Variants in TNNI3K observed in about 807,000 individuals in gnomAD.
TNNI3K encodes the protein serine/threonine-protein kinase TNNI3K.
TNNI3K carries 140 observed loss-of-function variants against 114.5 expected under a neutral mutation model. The observed-to-expected ratio is 1.22, with a 90% CI of 1.07 to 1.41. The LOEUF (loss-of-function observed/expected upper bound fraction) is 1.41, where lower values mean the gene tolerates loss of function less well. Among genes scored for constraint, TNNI3K ranks in the 40% most tolerant of loss-of-function variants. TNNI3K has a pLI of 0.00. For synonymous variants in TNNI3K, 347 were observed against 347.5 expected (o/e 1.00, Z 0.02); for missense variants, 1,125 against 1,007.6 (o/e 1.12, Z -1.58).
chr1:74,361,893 A>G (rs1368156208), intron 11 of TNNI3K, among the ~76,000 whole-genome samples: 1 of 152,128 alleles, frequency 6.6e-6, no homozygotes, highest in East Asian at 1.9e-4. Flanking sequence ...GGATATAAAA[A>G]TATCTTGGCA....
At chr1:74,487,140 G>A (rs1212856530) in intron 21 of TNNI3K, among the ~76,000 whole-genome samples, 1 of 152,178 alleles carries the variant, frequency 6.6e-6, no homozygotes, top group Admixed American at 6.5e-5. Context: ...TTGTTTTTAA[G>A]ATAGGAGAAT....
At chr1:74,363,690 C>G (rs1255757933) in intron 11 of TNNI3K, among the ~76,000 whole-genome samples, 1 of 151,796 alleles carries the variant, frequency 6.6e-6, no homozygotes, top group Non-Finnish European at 1.5e-5. Context: ...AAGGTGGGCT[C>G]TGTGAATTAA....
At chr1:74,541,773 T>C (rs1646729385) in intron 24 of TNNI3K, among the ~76,000 whole-genome samples, 1 of 152,192 alleles carries the variant, frequency 6.6e-6, no homozygotes, top group Admixed American at 6.6e-5. Flanking sequence ...GGTGTTTGGA[T>C]GGAGTGAGAG....
intron 21 of TNNI3K, among the ~76,000 whole-genome samples, chr1:74,483,633 C>T (rs1027194499): frequency 2.0e-4 from 30 of 152,304 alleles, no homozygotes; most frequent in African/African-American, 7.2e-4. Context: ...AATTAAGTTA[C>T]TTTGCAAAAC....
chr1:74,462,897 T>A (rs1667510639), intron 20 of TNNI3K, among the ~76,000 whole-genome samples: 1 of 151,952 alleles, frequency 6.6e-6, no homozygotes, highest in Non-Finnish European at 1.5e-5. Flanking sequence ...TCCAACAGAG[T>A]TTTAAAAATA....
At chr1:74,401,370 TTACTG>T (rs1380871441) in intron 17 of TNNI3K, among the ~76,000 whole-genome samples, 1 of 152,230 alleles carries the variant, frequency 6.6e-6, no homozygotes, top group Non-Finnish European at 1.5e-5. Flanking sequence ...TTTCAATACT[TTACTG>T]TATAATTCAG....
chr1:74,477,792 A>C (rs918272727), intron 21 of TNNI3K, among the ~76,000 whole-genome samples: 1 of 152,226 alleles, frequency 6.6e-6, no homozygotes, highest in Non-Finnish European at 1.5e-5. Context: ...TGTGCTATTA[A>C]GAAGACGTTT....
intron 20 of TNNI3K, among the ~76,000 whole-genome samples, chr1:74,444,067 A>G (rs763162420): frequency 6.6e-6 from 1 of 152,224 alleles, no homozygotes; most frequent in Non-Finnish European, 1.5e-5. Context: ...TGAATGGGCA[A>G]AAGCTGGAAG....
intron 21 of TNNI3K, among the ~76,000 whole-genome samples, chr1:74,478,703 T>G (rs1256295681): frequency 1.3e-5 from 2 of 152,204 alleles, no homozygotes; most frequent in Non-Finnish European, 2.9e-5. Context: ...TTTGCTTAAC[T>G]TAGTACCTTC....
intron 4 of TNNI3K, among the ~76,000 whole-genome samples, chr1:74,265,832 G>A (rs754453158): frequency 2.0e-5 from 3 of 151,940 alleles, no homozygotes; most frequent in Non-Finnish European, 4.4e-5. Flanking sequence ...ATTGAAACAC[G>A]AGTTTGCTTT....
chr1:74,349,757 A>G (rs1036327518), intron 9 of TNNI3K, among the ~76,000 whole-genome samples: 4 of 152,078 alleles, frequency 2.6e-5, no homozygotes, highest in African/African-American at 7.2e-5. Flanking sequence ...GTTTATTTGC[A>G]TAGAGGTGTT....
At position 74,536,627 on chromosome 1, in the gene TNNI3K, T is replaced by C. The variant is rs1179125245; in HGVS notation, c.2352-3607T>C. 2.6e-5 allele frequency among the ~76,000 whole-genome samples: 4 copies of C among 152,082 alleles called. No individual in the cohort carries two copies. In the East Asian group the frequency reaches 5.8e-4, roughly 22 times the overall value. ...TGCAAAAACTAACCTAAAGACTATG[T>C]TATTCTCTTTTCATAAAATAAAATT... On this transcript the variant is annotated intron_variant, in intron 23 of 24. Transcript: ENST00000326637.
At chr1:74,354,239 T>C in intron 11 of TNNI3K, 110 bp downstream of exon 11, 2 of 1,514,636 alleles carry the variant, frequency 1.3e-6, no homozygotes, top group Non-Finnish European at 1.8e-6. Flanking sequence ...CTCTCATTTC[T>C]TCTGTAGATT....
intron 5 of TNNI3K, among the ~76,000 whole-genome samples, chr1:74,285,435 C>T (rs1657268869): frequency 6.6e-6 from 1 of 152,148 alleles, no homozygotes. Flanking sequence ...TTCACCTTTT[C>T]TACCCATCCC....
intron 20 of TNNI3K, among the ~76,000 whole-genome samples, chr1:74,443,135 T>G (rs1290473569): frequency 6.6e-6 from 1 of 151,812 alleles, no homozygotes; most frequent in Non-Finnish European, 1.5e-5. Context: ...CCACCAAAGC[T>G]AGCAGAAGAA....
chr1:74,372,298 C>G (rs1361285218), intron 17 of TNNI3K: 1 of 151,664 alleles, frequency 6.6e-6, no homozygotes, highest in Non-Finnish European at 1.5e-5. Context: ...ACTAAAGTCC[C>G]ATGCTCATGT....
intron 17 of TNNI3K, among the ~76,000 whole-genome samples, chr1:74,385,545 C>G (rs531671896): frequency 2.3e-4 from 35 of 152,134 alleles, no homozygotes; most frequent in Admixed American, 1.8e-3. Context: ...TAATCATCTG[C>G]CAAATAATTT....
chr1:74,416,532 A>G, intron 17 of TNNI3K: 3 of 985,362 alleles, frequency 3.0e-6, no homozygotes, highest in Non-Finnish European at 3.6e-6. Context: ...TACATAGTCA[A>G]ATCCAAGAAC....
intron 20 of TNNI3K, among the ~76,000 whole-genome samples, chr1:74,456,360 G>A (rs1172210459): frequency 3.3e-5 from 5 of 152,100 alleles, no homozygotes; most frequent in Non-Finnish European, 7.4e-5. Context: ...GAGCCAAGGT[G>A]TGAAGCCAAA....
Sources: allele counts gnomAD v4.1 joint callset (sites outside exome capture counted in the v4.1 genomes callset), GRCh38; gene constraint gnomAD v4.1.1; transcripts MANE v1.5; gene names NCBI Gene and HGNC (gene_info 2026-07-23, HGNC 2026-07-21).